The following ZBTB38 variants were observed in gnomAD, a reference collection of about 807,000 sequenced individuals.
The protein encoded by ZBTB38 is zinc finger and BTB domain-containing protein 38.
In ZBTB38, 20 loss-of-function variants were observed where a neutral mutation model predicts 76.8. That is an observed-to-expected ratio of 0.26 (90% confidence interval 0.18 to 0.38). ZBTB38 has a LOEUF of 0.38. ZBTB38 is among the 10% of genes least tolerant of loss of function. The pLI is 1.00. For missense variants in ZBTB38, 1,082 were observed against 1,482.3 expected (o/e 0.73, Z 4.43); for synonymous variants, 504 against 544.2 (o/e 0.93, Z 1.03).
intron 1 of ZBTB38, among the ~76,000 whole-genome samples, chr3:141,334,456 C>CCTTCTTTCCTTT (rs1559910931): frequency 1.2e-3 from 117 of 93,904 alleles, no homozygotes; most frequent in African/African-American, 5.7e-3. Flanking sequence ...TTCCTTTCTT[C>CCTTCTTTCCTTT]CTTCCTTCCT....
chr3:141,423,315 T>C (rs912735939), intron 5 of ZBTB38, among the ~76,000 whole-genome samples: 3 of 152,216 alleles, frequency 2.0e-5, no homozygotes, highest in African/African-American at 7.2e-5. Context: ...TTATAGGTTT[T>C]TGTTTGTTTG....
chr3:141,395,721 A>C (rs1217143158), intron 4 of ZBTB38, among the ~76,000 whole-genome samples: 2 of 152,212 alleles, frequency 1.3e-5, no homozygotes, highest in Non-Finnish European at 2.9e-5. Context: ...TAATTTTCAC[A>C]TCATGAAATA....
chr3:141,341,502 G>A (rs1281223608), intron 1 of ZBTB38, among the ~76,000 whole-genome samples: 1 of 152,202 alleles, frequency 6.6e-6, no homozygotes. Context: ...TATATACAAT[G>A]GAATATTATT....
chr3:141,324,639 G>T (rs771429666), intron 1 of ZBTB38, among the ~76,000 whole-genome samples: 1 of 152,158 alleles, frequency 6.6e-6, no homozygotes, highest in Non-Finnish European at 1.5e-5. Flanking sequence ...AGCATCTAGC[G>T]TAGTGCCTAA....
At chr3:141,439,066 A>G (rs531332201) in intron 5 of ZBTB38, among the ~76,000 whole-genome samples, 12 of 152,102 alleles carry the variant, frequency 7.9e-5, no homozygotes, top group African/African-American at 2.7e-4. Flanking sequence ...GCCTCTGTAA[A>G]TAATTGTACT....
chr3:141,380,510 A>G (rs1468640906), intron 2 of ZBTB38, among the ~76,000 whole-genome samples: 4 of 152,212 alleles, frequency 2.6e-5, no homozygotes, highest in Middle Eastern at 3.2e-3. Context: ...AAGTGGCTTC[A>G]TGATACAAAG....
In ZBTB38 at chr3:141,448,841, A is replaced by G. The variant is rs919676072; in HGVS notation, c.*2865A>G. 2.0e-5 allele frequency: 3 copies of G among 152,178 alleles called. No homozygotes were observed. Among genetic ancestry groups the G allele is most frequent in the African/African-American group, 7.2e-5 (3 of 41,444 alleles). 9.4% of individuals were successfully genotyped at this position (152,178 alleles called of 1,614,324 possible). A position where few individuals can be genotyped will look rare whatever the true frequency, so the allele number is the denominator to read the frequency against. On this transcript the variant is annotated 3_prime_UTR_variant, in exon 6 of 6. Coordinates refer to ENST00000321464, the MANE Select transcript of ZBTB38 (RefSeq NM_001376113.1). ...TTTACATTCCGTGGTACCTACTTAC[A>G]TGCTTAGGAGTCAAATGGATTATGA...
intron 1 of ZBTB38, among the ~76,000 whole-genome samples, chr3:141,341,158 G>A (rs1943187690): frequency 6.6e-6 from 1 of 152,176 alleles, no homozygotes; most frequent in Non-Finnish European, 1.5e-5. Flanking sequence ...ACAGTAGCAA[G>A]TGCTGGTGAA....
At position 141,445,573 on chromosome 3, in the gene ZBTB38, G is replaced by T; in HGVS notation, c.3185G>T (p.Gly1062Val). 1 of 1,614,220 alleles carries T rather than the reference G, an allele frequency of 6.2e-7. No homozygotes were observed. The highest frequency in any genetic ancestry group is 8.5e-7 in the Non-Finnish European group (1 of 1,180,040). ...CAGAAACATGAACGCATCCACCTGG[G>T]CTTGAAGGAGTTCGTCTGTCAGTAT... ...NLQKHERIHL[G>V]LKEFVCQYCN... The change falls in exon 6 of 6, where the codon GGC becomes GTC. Residue 1062 changes from glycine to valine, a missense_variant. Transcript: ENST00000321464. This position sits in a 1 kb window ranked among gnomAD's most constrained non-coding sequence, Gnocchi z 6.5.
chr3:141,437,675 G>A (rs747904997), intron 5 of ZBTB38, among the ~76,000 whole-genome samples: 17 of 152,106 alleles, frequency 1.1e-4, no homozygotes, highest in Non-Finnish European at 2.2e-4. Flanking sequence ...GAGAAATTAA[G>A]GTATAAAAAT....
rs761180144 is a variant in ZBTB38, at chr3:141,443,891, G to A, written c.1503G>A (p.Glu501=). The change falls in exon 6 of 6, where the codon GAG becomes GAA. Residue 501 remains glutamate, a synonymous_variant. Coordinates refer to ENST00000321464, the MANE Select transcript of ZBTB38 (RefSeq NM_001376113.1). This position sits in a 1 kb window ranked among gnomAD's most constrained non-coding sequence, Gnocchi z 5.6. ...GCAACAAAGTATTTGCATTGGCTGAGTACAGGACAAGGCATGAAATTTGGC... is the reference window on the plus strand; with the variant it reads ...GCAACAAAGTATTTGCATTGGCTGAATACAGGACAAGGCATGAAATTTGGC... ...HYCNKVFALA[E]YRTRHEIWHT... 4 of 1,614,002 alleles carry A rather than the reference G, an allele frequency of 2.5e-6. No homozygotes were observed. Among genetic ancestry groups the A allele is most frequent in the Admixed American group, 1.7e-5 (1 of 59,996 alleles).
At chr3:141,403,677 A>G (rs1028368199) in intron 4 of ZBTB38, among the ~76,000 whole-genome samples, 9 of 152,200 alleles carry the variant, frequency 5.9e-5, no homozygotes, top group African/African-American at 2.2e-4. Context: ...TAATTGTCAC[A>G]TACACCAGCT....
At chr3:141,364,030 A>G (rs894229108), upstream of ZBTB38, among the ~76,000 whole-genome samples, 1 of 152,046 alleles carries the variant, frequency 6.6e-6, no homozygotes, top group Non-Finnish European at 1.5e-5. Flanking sequence ...CAACCAGAAA[A>G]GAAATGACAA....
intron 1 of ZBTB38, among the ~76,000 whole-genome samples, chr3:141,329,099 G>GA (rs1215148379): frequency 1.3e-5 from 2 of 151,976 alleles, no homozygotes; most frequent in Non-Finnish European, 2.9e-5. Context: ...AGCCACAAAA[G>GA]AAAAAAACCC....
rs1251036449 is a variant in ZBTB38 at position 141,443,128 on chromosome 3, ACAC to A, written c.741_743del (p.Asn247_Thr248delinsLys). 1.2e-6 allele frequency: 2 copies of A among 1,614,092 alleles called. No homozygotes were observed. The highest frequency in any genetic ancestry group is 3.3e-5 in the Admixed American group (2 of 60,014). Reference sequence around the variant, plus strand: ...GAACATGATGGCAGTTCACCTGGTAACACAGGGAAAGAAAATTGTGAAGCCCTT... The same window carrying A: ...GAACATGATGGCAGTTCACCTGGTAAAGGGAAAGAAAATTGTGAAGCCCTT... On this transcript the variant is annotated inframe_deletion, in exon 6 of 6. Coordinates refer to ENST00000321464, the MANE Select transcript of ZBTB38 (RefSeq NM_001376113.1). This position sits in a 1 kb window ranked among gnomAD's most constrained non-coding sequence, Gnocchi z 5.6.
intron 5 of ZBTB38, among the ~76,000 whole-genome samples, chr3:141,417,802 G>C (rs1387739251): frequency 6.6e-6 from 1 of 152,110 alleles, no homozygotes; most frequent in Non-Finnish European, 1.5e-5. Flanking sequence ...TGATCACGAG[G>C]TCAAGAGATG....
At chr3:141,390,319 T>G (rs1948457325) in intron 4 of ZBTB38, among the ~76,000 whole-genome samples, 1 of 152,258 alleles carries the variant, frequency 6.6e-6, no homozygotes, top group Admixed American at 6.5e-5. Context: ...GTATTTTTAC[T>G]GGGCAGGCCA....
At chr3:141,393,066 T>A (rs1328082282) in intron 4 of ZBTB38, among the ~76,000 whole-genome samples, 1 of 152,204 alleles carries the variant, frequency 6.6e-6, no homozygotes, top group Admixed American at 6.5e-5. Flanking sequence ...ACACTCCCTA[T>A]GTTTGGCCTG....
intron 1 of ZBTB38, among the ~76,000 whole-genome samples, chr3:141,325,846 G>C (rs919272872): frequency 6.6e-6 from 1 of 152,100 alleles, no homozygotes; most frequent in East Asian, 1.9e-4. Context: ...ATACATCTTA[G>C]CTGCTGTGGG....
Sources: allele counts gnomAD v4.1 joint callset (sites outside exome capture counted in the v4.1 genomes callset), GRCh38; gene constraint gnomAD v4.1.1; non-coding constraint Gnocchi (gnomAD v3.1); transcripts MANE v1.5; gene names NCBI Gene and HGNC (gene_info 2026-07-23, HGNC 2026-07-21).